The following GSTCD variants were observed in gnomAD, a reference collection of about 807,000 sequenced individuals.
The protein encoded by GSTCD is glutathione S-transferase C-terminal domain containing, also known as glutathione S-transferase C-terminal domain-containing protein.
A neutral mutation model predicts 68.3 loss-of-function variants in GSTCD; 44 were observed. The ratio of observed to expected loss-of-function variants is 0.64; its 90% CI spans 0.51 to 0.83. The LOEUF (loss-of-function observed/expected upper bound fraction) is 0.83. Among genes scored for constraint, GSTCD ranks in the 40% least tolerant of loss-of-function variants. The pLI is 0.00. For synonymous variants in GSTCD, 273 were observed against 255.2 expected, an observed-to-expected ratio of 1.07 and a Z score of -0.67; for missense variants, 739 against 735.9, an observed-to-expected ratio of 1.00 and a Z score of -0.05.
Position 105,753,964 on chromosome 4 carries a change from AT to A in GSTCD, c.1240+24477del, listed in dbSNP as rs565363265. On this transcript the variant is annotated intron_variant, in intron 5 of 11. Coordinates refer to ENST00000515279, the MANE Select transcript of GSTCD (RefSeq NM_001370181.1). Reference sequence around the variant, plus strand: ...TCCTCGACGTTGCTAAACTTTCAAGATTTTTTTTTTTTAATCTTAAATGCTT... The same window carrying A: ...TCCTCGACGTTGCTAAACTTTCAAGATTTTTTTTTTTAATCTTAAATGCTT... Among the ~76,000 whole-genome samples the A allele has an allele frequency of 7.2e-3, 1,065 of 147,248 alleles. 9 individuals are homozygous for A. The highest frequency in any genetic ancestry group is 0.017 in the African/African-American group (695 of 40,508).
chr4:105,822,232 G>T lies in GSTCD; in HGVS notation c.1241-722G>T, dbSNP rs1472425133. On this transcript the variant is annotated intron_variant, in intron 5 of 11. Transcript: ENST00000515279. ...AGGAAAGTTAAGATGTTTTTATGTT[G>T]TGGGGCCCCAGGCATTTCATACTTG... is the stretch of plus-strand genomic sequence containing the variant. Among the ~76,000 whole-genome samples the T allele has an allele frequency of 2.0e-5, 3 of 151,878 alleles. No individual in the cohort carries two copies. In the East Asian group the frequency reaches 5.8e-4, roughly 29 times the overall value.
intron 5 of GSTCD, among the ~76,000 whole-genome samples, chr4:105,737,870 T>C (rs1301982898): frequency 6.6e-6 from 1 of 152,178 alleles, no homozygotes. Flanking sequence ...AAGGCAGGTG[T>C]TTGGTTCATG....
intron 11 of GSTCD, among the ~76,000 whole-genome samples, chr4:105,845,012 C>T (rs1192640555): frequency 7.9e-5 from 12 of 152,174 alleles, no homozygotes; most frequent in Admixed American, 7.9e-4. Context: ...GCTGGAAAAG[C>T]TAATGTCTTT....
chr4:105,796,657 A>G (rs1199229223), intron 5 of GSTCD, among the ~76,000 whole-genome samples: 1 of 152,090 alleles, frequency 6.6e-6, no homozygotes, highest in East Asian at 1.9e-4. Flanking sequence ...TTTGCTCTCC[A>G]ACCCCCTTAC....
In GSTCD at chr4:105,816,722, A is replaced by G. The variant is rs780858135; in HGVS notation, c.1241-6232A>G. On this transcript the variant is annotated intron_variant, in intron 5 of 11. Coordinates refer to ENST00000515279, the MANE Select transcript of GSTCD (RefSeq NM_001370181.1). ...AAGACACCAGCATTGAAATTCTGAC[A>G]TCACAATTAATTAAAAGCATCTGTT... is the stretch of plus-strand genomic sequence containing the variant. Among the ~76,000 whole-genome samples the G allele has an allele frequency of 4.5e-4, 69 of 152,094 alleles. 1 individual carries two copies. Among genetic ancestry groups the G allele is most frequent in the Middle Eastern group, 3.2e-3 (1 of 316 alleles).
intron 5 of GSTCD, among the ~76,000 whole-genome samples, chr4:105,799,295 G>A (rs946275680): frequency 1.3e-5 from 2 of 152,142 alleles, no homozygotes; most frequent in Admixed American, 1.3e-4. Context: ...TATCATTCAT[G>A]TATTCACTAA....
intron 5 of GSTCD, among the ~76,000 whole-genome samples, chr4:105,787,546 T>C (rs1488826839): frequency 6.6e-6 from 1 of 151,974 alleles, no homozygotes; most frequent in Non-Finnish European, 1.5e-5. Flanking sequence ...TAATGCTGCT[T>C]AGGAGCTTAG....
chr4:105,797,012 A>G (rs1735913701), intron 5 of GSTCD, among the ~76,000 whole-genome samples: 1 of 151,746 alleles, frequency 6.6e-6, no homozygotes, highest in Non-Finnish European at 1.5e-5. Flanking sequence ...GTATGGAGAA[A>G]GGTTGAAGAG....
chr4:105,749,477 C>T (rs1228439168), intron 5 of GSTCD, among the ~76,000 whole-genome samples: 1 of 151,556 alleles, frequency 6.6e-6, no homozygotes, highest in Non-Finnish European at 1.5e-5. Flanking sequence ...GAGAGATAGA[C>T]ATACAGAACA....
At chr4:105,757,115 C>G (rs1007216422) in intron 5 of GSTCD, among the ~76,000 whole-genome samples, 1 of 152,044 alleles carries the variant, frequency 6.6e-6, no homozygotes, top group Non-Finnish European at 1.5e-5. Context: ...TATTTCAGTT[C>G]GTACTATAAT....
chr4:105,804,023 G>A (rs1736233757), intron 5 of GSTCD, among the ~76,000 whole-genome samples: 1 of 151,884 alleles, frequency 6.6e-6, no homozygotes, highest in African/African-American at 2.4e-5. Flanking sequence ...GGATACTTCA[G>A]TAGTTTTTAT....
intron 11 of GSTCD, among the ~76,000 whole-genome samples, chr4:105,842,406 T>G (rs559397399): frequency 6.6e-6 from 1 of 152,176 alleles, no homozygotes; most frequent in East Asian, 1.9e-4. Flanking sequence ...CTTACTGTTA[T>G]GAACAAACTG....
At chr4:105,767,855 G>C (rs1734679764) in intron 5 of GSTCD, among the ~76,000 whole-genome samples, 1 of 151,938 alleles carries the variant, frequency 6.6e-6, no homozygotes, top group African/African-American at 2.4e-5. Flanking sequence ...TAGAACTGGG[G>C]TTTGGGGTTA....
chr4:105,808,011 G>A (rs765049806), intron 5 of GSTCD, among the ~76,000 whole-genome samples: 4 of 152,010 alleles, frequency 2.6e-5, no homozygotes, highest in Non-Finnish European at 5.9e-5. Flanking sequence ...TTGATCCTAT[G>A]ATAATCAGAC....
At chr4:105,782,386 A>G (rs11734568) in intron 5 of GSTCD, among the ~76,000 whole-genome samples, 8,166 of 152,110 alleles carry the variant, frequency 0.054, 250 homozygotes, top group Middle Eastern at 0.14. Flanking sequence ...CAGCTATGTG[A>G]CAGGCTGAGG....
chr4:105,712,769 G>A (rs1560789183), intron 1 of GSTCD, among the ~76,000 whole-genome samples: 2 of 152,078 alleles, frequency 1.3e-5, no homozygotes, highest in East Asian at 3.9e-4. Flanking sequence ...AAGTTGAGTG[G>A]GACTTTTGAG....
Position 105,717,728 on chromosome 4 carries a change from T to C in GSTCD, c.115T>C (p.Ser39Pro). ...TACATCTGTAACTTTATTTCTGTTA[T>C]CTTACTGTGACTGTAAAATCTTTAA... ...LHTSVTLFLL[S>P]YCDCKIFKIC... Residue 39 changes from serine (S) to proline (P), a missense_variant, in exon 2 of 12, where the codon TCT (serine) becomes CCT (proline). Physicochemically the swap from Ser to Pro is moderately conservative, Grantham distance 74. Transcript: ENST00000515279. The C allele has an allele frequency of 6.2e-7, 1 of 1,613,846 alleles. No homozygotes were observed. The highest frequency in any genetic ancestry group is 8.5e-7 in the Non-Finnish European group (1 of 1,179,764).
In GSTCD at chr4:105,794,836, TATTTATCTATC is replaced by T. The variant is rs1560832728; in HGVS notation, c.1241-28117_1241-28107del. ...TTATTTCTGCTTTTATCTATCTATC[TATTTATCTATC>T]TATCTATCTATCTATCTATCTATCT... On this transcript the variant is annotated intron_variant, in intron 5 of 11. Coordinates refer to ENST00000515279, the MANE Select transcript of GSTCD (RefSeq NM_001370181.1). Among the ~76,000 whole-genome samples, 308 of 95,058 alleles carry T rather than the reference TATTTATCTATC, an allele frequency of 3.2e-3. 4 individuals carry two copies. The highest frequency in any genetic ancestry group is 0.025 in the African/African-American group (286 of 11,378). The allele number at this position is 95,058 out of a possible 152,430, so 62.4% of individuals were successfully genotyped here.
chr4:105,806,629 T>G (rs1482803628), intron 5 of GSTCD, among the ~76,000 whole-genome samples: 1 of 152,216 alleles, frequency 6.6e-6, no homozygotes, highest in Non-Finnish European at 1.5e-5. Flanking sequence ...TTTAAGGAAG[T>G]GGGTACCATC....
Sources: gnomAD v4.1 joint callset for allele counts (sites outside exome capture counted in the v4.1 genomes callset) on GRCh38, gnomAD v4.1.1 for gene constraint, MANE v1.5 for transcripts, NCBI Gene and HGNC (gene_info 2026-07-23, HGNC 2026-07-21) for gene names.